The following SAPCD2 variants were observed in gnomAD, a reference collection of about 807,000 sequenced individuals.
SAPCD2 encodes suppressor APC domain-containing protein 2.
A neutral mutation model predicts 37.8 loss-of-function variants in SAPCD2; 34 were observed. That is an observed-to-expected ratio of 0.90 (90% CI 0.68 to 1.20). The LOEUF is 1.20. Among genes scored for constraint, SAPCD2 ranks in the 50% most tolerant of loss-of-function variants. The pLI is 0.00. For missense variants in SAPCD2, 572 were observed against 584.7 expected, an observed-to-expected ratio of 0.98 and a Z score of 0.22; for synonymous variants, 275 against 270.3, an observed-to-expected ratio of 1.02 and a Z score of -0.17.
rs959136692 is a variant in SAPCD2, at chr9:137,065,152, C to T, written c.865G>A (p.Gly289Arg). ...FGAAGSPRPL[G>R]RLLPKVQEVA... ...TCTTGTACCTTGGGCAGTAGCCGCC[C>T]CAGTGGGCGGGGGCTCCCTGCAGCC... Residue 289 changes from glycine to arginine, a missense_variant, in exon 4 of 6, where the codon GGG (glycine) becomes AGG (arginine). Physicochemically the swap from Gly to Arg is moderately radical, Grantham distance 125. Transcript: ENST00000409687. 1 of 1,512,618 alleles carries T rather than the reference C, an allele frequency of 6.6e-7. No individual in the cohort carries two copies. The highest frequency in any genetic ancestry group is 1.3e-5 in the South Asian group (1 of 78,576). The allele number at this position is 1,512,618 out of a possible 1,614,324, so 93.7% of individuals were successfully genotyped here. A position where few individuals can be genotyped will look rare whatever the true frequency, so the allele number is the denominator to read the frequency against.
chr9:137,069,991 C>G lies in SAPCD2; in HGVS notation c.470G>C (p.Ser157Thr). 1 of 1,226,800 alleles carries G rather than the reference C, an allele frequency of 8.2e-7. No homozygotes were observed. Among genetic ancestry groups the G allele is most frequent in the Admixed American group, 4.3e-5 (1 of 23,168 alleles). 76.0% of individuals were successfully genotyped at this position (1,226,800 alleles called of 1,614,324 possible). A position where few individuals can be genotyped will look rare whatever the true frequency, so the allele number is the denominator to read the frequency against. The change falls in exon 1 of 6, where the codon AGC becomes ACC. Residue 157 changes from serine (S) to threonine (T), a missense_variant. By Grantham distance (58) the Ser-to-Thr change is moderately conservative. Transcript: ENST00000409687. ...PLAGPSAAARSPEQLCAPAEA... is the reference protein window; with the variant it reads ...PLAGPSAAARTPEQLCAPAEA... ...AGCCGGGGCGCACAGCTGCTCCGGG[C>G]TGCGGGCGGCGGCGCTGGGACCGGC...
In SAPCD2 at chr9:137,064,530, G is replaced by A. The variant is rs561089137; in HGVS notation, c.*129C>T. The A allele has an allele frequency of 1.8e-6, 2 of 1,083,874 alleles. No homozygotes were observed. The highest frequency in any genetic ancestry group is 3.1e-5 in the South Asian group (2 of 65,458). 67.1% of individuals were successfully genotyped at this position (1,083,874 alleles called of 1,614,324 possible). A position where few individuals can be genotyped will look rare whatever the true frequency, so the allele number is the denominator to read the frequency against. The stretch of plus-strand genomic sequence containing the variant: ...CCCATCTGGCAAGGGCGGCAGGAAG[G>A]CGCCCACTCCGGGACTGTGCCTGGG... On this transcript the variant is annotated 3_prime_UTR_variant, in exon 6 of 6. Coordinates refer to ENST00000409687, the MANE Select transcript of SAPCD2 (RefSeq NM_178448.4).
At position 137,070,200 on chromosome 9, in the gene SAPCD2, G is replaced by A; in HGVS notation, c.261C>T (p.Phe87=). Residue 87 remains phenylalanine (F), a synonymous_variant, in exon 1 of 6, where the codon TTC becomes TTT. Transcript: ENST00000409687. ...PASGYLTFER[F]VAGLRTSLLS... ...GCAGGGAGGTGCGCAGGCCGGCCAC[G>A]AAGCGCTCGAAGGTCAGGTAGCCGC... is the stretch of plus-strand genomic sequence containing the variant. The A allele has an allele frequency of 7.3e-7, 1 of 1,371,026 alleles. No individual in the cohort carries two copies. Among genetic ancestry groups the A allele is most frequent in the Non-Finnish European group, 9.5e-7 (1 of 1,055,136 alleles). The allele number at this position is 1,371,026 out of a possible 1,614,324, so 84.9% of individuals were successfully genotyped here.
Position 137,070,436 on chromosome 9 carries a change from G to C in SAPCD2, c.25C>G (p.Arg9Gly). ...GGTGCGGGGGGAGGCACGCGGCCCC[G>C]CTCGGCCATGGCGGCCCCGGCCATG... The part of the protein sequence containing the change: MAGAAMAE[R>G]GRVPPPAPAP... Residue 9 changes from arginine to glycine, a missense_variant, in exon 1 of 6, where the codon CGG (arginine) becomes GGG (glycine). Physicochemically the swap from Arg to Gly is moderately radical, Grantham distance 125. Transcript: ENST00000409687. The C allele has an allele frequency of 4.8e-6, 6 of 1,261,596 alleles. No homozygotes were observed. In the South Asian group the frequency reaches 1.7e-4, roughly 36 times the overall value. The allele number at this position is 1,261,596 out of a possible 1,614,324, so 78.2% of individuals were successfully genotyped here. A position where few individuals can be genotyped will look rare whatever the true frequency, so the allele number is the denominator to read the frequency against.
At position 137,064,984 on chromosome 9, in the gene SAPCD2, G is replaced by T. The variant is rs1322964686; in HGVS notation, c.940-5C>A. 3 of 1,502,814 alleles carry T rather than the reference G, an allele frequency of 2.0e-6. No homozygotes were observed. The highest frequency in any genetic ancestry group is 4.0e-5 in the Admixed American group (2 of 50,604). 93.1% of individuals were successfully genotyped at this position (1,502,814 alleles called of 1,614,324 possible). On this transcript the variant is annotated splice_polypyrimidine_tract_variant and splice_region_variant and intron_variant, in intron 4 of 5. Coordinates refer to ENST00000409687, the MANE Select transcript of SAPCD2 (RefSeq NM_178448.4). ...GGAGGAGGACGGGGGCAGGGCCTGC[G>T]GGAGGGCAGGATTAGGCAGGCCTGG... is the stretch of plus-strand genomic sequence containing the variant.
Position 137,070,269 on chromosome 9 carries a change from C to A in SAPCD2, c.192G>T (p.Leu64=). ...SRWQGTDARE[L]PRGVLEGLRQ... ...GCAAGCCCTCCAGCACCCCGCGGGG[C>A]AGCTCCCGCGCGTCGGTGCCCTGCC... Residue 64 remains leucine, a synonymous_variant, in exon 1 of 6, where the codon CTG becomes CTT. Transcript: ENST00000409687. 6.9e-7 allele frequency: 1 copy of A among 1,454,060 alleles called. No individual in the cohort carries two copies. The highest frequency in any genetic ancestry group is 1.3e-5 in the South Asian group (1 of 76,276). 90.1% of individuals were successfully genotyped at this position (1,454,060 alleles called of 1,614,324 possible).
At position 137,070,345 on chromosome 9, in the gene SAPCD2, A is replaced by G; in HGVS notation, c.116T>C (p.Leu39Pro). 6.8e-7 allele frequency: 1 copy of G among 1,471,576 alleles called. No individual in the cohort carries two copies. Among genetic ancestry groups the G allele is most frequent in the Non-Finnish European group, 9.0e-7 (1 of 1,113,526 alleles). The allele number at this position is 1,471,576 out of a possible 1,614,324, so 91.2% of individuals were successfully genotyped here. Residue 39 changes from leucine (L) to proline (P), a missense_variant, in exon 1 of 6, where the codon CTG becomes CCG. By Grantham distance (98) the Leu-to-Pro change is moderately conservative. Coordinates refer to ENST00000409687, the MANE Select transcript of SAPCD2 (RefSeq NM_178448.4). ...LQSLRTLFDI[L>P]DDRRRGCVHL... ...CACGCAGCCGCGCCGCCGGTCGTCC[A>G]GGATGTCGAACAGGGTGCGCAGGCT...
Position 137,064,246 on chromosome 9 carries a change from G to A in SAPCD2, c.*413C>T, listed in dbSNP as rs1182178269. 8.5e-6 allele frequency: 2 copies of A among 234,680 alleles called. No individual in the cohort carries two copies. Among genetic ancestry groups the A allele is most frequent in the East Asian group, 1.4e-4 (1 of 7,044 alleles). The allele number at this position is 234,680 out of a possible 1,614,324, so 14.5% of individuals were successfully genotyped here. A position where few individuals can be genotyped will look rare whatever the true frequency, so the allele number is the denominator to read the frequency against. Reference sequence around the variant, plus strand: ...CTGCCCTTGGACCCGCGTCGGAGCCGCCCCGCGCCCTCTGCTGCCCGTTGT... The same window carrying A: ...CTGCCCTTGGACCCGCGTCGGAGCCACCCCGCGCCCTCTGCTGCCCGTTGT... On this transcript the variant is annotated 3_prime_UTR_variant, in exon 6 of 6. Coordinates refer to ENST00000409687, the MANE Select transcript of SAPCD2 (RefSeq NM_178448.4).
In SAPCD2 at chr9:137,063,137, A is replaced by AG. The variant is rs1207470655; in HGVS notation, c.*1521dup. On this transcript the variant is annotated 3_prime_UTR_variant, in exon 6 of 6. Transcript: ENST00000409687. ...ACCTGGTGCTGGGGCTGTGGGGCAC[A>AG]GGCCCTCAGGACCTGCACCCTTTCC... The AG allele has an allele frequency of 2.0e-5, 3 of 152,268 alleles. No homozygotes were observed. Among genetic ancestry groups the AG allele is most frequent in the Non-Finnish European group, 2.9e-5 (2 of 68,082 alleles). The allele number at this position is 152,268 out of a possible 1,614,324, so 9.4% of individuals were successfully genotyped here. A position where few individuals can be genotyped will look rare whatever the true frequency, so the allele number is the denominator to read the frequency against.
chr9:137,066,375 C>A lies in SAPCD2; in HGVS notation c.572-1G>T. The stretch of plus-strand genomic sequence containing the variant: ...TCCAGGGCCCTGCACGCCACTGCAC[C>A]TGTTATGGAGAGGCATGGGCCTGGC... On this transcript the variant is annotated splice_acceptor_variant, in intron 1 of 5. Transcript: ENST00000409687. LOFTEE classifies it high-confidence loss of function. 1 of 1,595,234 alleles carries A rather than the reference C, an allele frequency of 6.3e-7. No homozygotes were observed. Among genetic ancestry groups the A allele is most frequent in the South Asian group, 1.1e-5 (1 of 88,422 alleles).
In SAPCD2 at chr9:137,065,507, G is replaced by C. The variant is rs1445678300; in HGVS notation, c.831+15C>G. The C allele has an allele frequency of 1.3e-6, 2 of 1,587,890 alleles. No homozygotes were observed. Among genetic ancestry groups the C allele is most frequent in the African/African-American group, 2.7e-5 (2 of 74,534 alleles). On this transcript the variant is annotated intron_variant, in intron 3 of 5. Transcript: ENST00000409687. Reference sequence around the variant, plus strand: ...CCCATGTGTGGGGATCTGGGGACAGGGCTGTGGCACTCACGGCGCTGGCTC... The same window carrying C: ...CCCATGTGTGGGGATCTGGGGACAGCGCTGTGGCACTCACGGCGCTGGCTC...
intron 1 of SAPCD2, among the ~76,000 whole-genome samples, chr9:137,069,456 C>T (rs568737023): frequency 9.2e-5 from 14 of 152,334 alleles, no homozygotes; most frequent in Non-Finnish European, 1.9e-4. Context: ...AGCTGTCACA[C>T]TGAGAAGGGG....
chr9:137,069,869 C>A, intron 1 of SAPCD2, 21 bp downstream of exon 1: 2 of 1,251,088 alleles, frequency 1.6e-6, no homozygotes, highest in South Asian at 2.8e-5. Flanking sequence ...CGAGGGTGCC[C>A]GGGGGCCGTC....
Position 137,070,230 on chromosome 9 carries a change from CG to C in SAPCD2, c.230del (p.Pro77ArgfsTer6), listed in dbSNP as rs1164804396. On this transcript the variant is annotated frameshift_variant, in exon 1 of 6. Transcript: ENST00000409687. LOFTEE classifies it high-confidence loss of function. Reference protein sequence around the residue: ...GVLEGLRQVAPASGYLTFERF... With the variant: ...GVLEGLRQVAXASGYLTFERF... Reference sequence around the variant, plus strand: ...GCTCGAAGGTCAGGTAGCCGCTGGCCGGGGCCACCTGGCGCAAGCCCTCCAG... The same window carrying C: ...GCTCGAAGGTCAGGTAGCCGCTGGCCGGGCCACCTGGCGCAAGCCCTCCAG... 7 of 1,412,886 alleles carry C rather than the reference CG, an allele frequency of 5.0e-6. No individual in the cohort carries two copies. The highest frequency in any genetic ancestry group is 2.5e-5 in the Admixed American group (1 of 39,598). 87.5% of individuals were successfully genotyped at this position (1,412,886 alleles called of 1,614,324 possible). A position where few individuals can be genotyped will look rare whatever the true frequency, so the allele number is the denominator to read the frequency against.
chr9:137,065,719 C>T (rs370446291), intron 2 of SAPCD2, 51 bp from the exon 3 acceptor site: 114 of 1,554,666 alleles, frequency 7.3e-5, no homozygotes, highest in African/African-American at 2.8e-4. Flanking sequence ...AGCACGCACA[C>T]GTCCACACAT....
At position 137,065,163 on chromosome 9, in the gene SAPCD2, G is replaced by A; in HGVS notation, c.854C>T (p.Pro285Leu). The A allele has an allele frequency of 2.0e-6, 3 of 1,494,292 alleles. No homozygotes were observed. Among genetic ancestry groups the A allele is most frequent in the Non-Finnish European group, 1.8e-6 (2 of 1,123,274 alleles). 92.6% of individuals were successfully genotyped at this position (1,494,292 alleles called of 1,614,324 possible). A position where few individuals can be genotyped will look rare whatever the true frequency, so the allele number is the denominator to read the frequency against. ...GGGCAGTAGCCGCCCCAGTGGGCGG[G>A]GGCTCCCTGCAGCCCCAAAGTCCTG... ...ASADFGAAGS[P>L]RPLGRLLPKV... Residue 285 changes from proline to leucine, a missense_variant, in exon 4 of 6, where the codon CCC (proline) becomes CTC (leucine). By Grantham distance (98) the Pro-to-Leu change is moderately conservative. Transcript: ENST00000409687.
In SAPCD2 at chr9:137,065,636, C is replaced by A; in HGVS notation, c.717G>T (p.Lys239Asn). 6.2e-7 allele frequency: 1 copy of A among 1,608,642 alleles called. No homozygotes were observed. Among genetic ancestry groups the A allele is most frequent in the Non-Finnish European group, 8.5e-7 (1 of 1,176,262 alleles). ...LKQMKELEQE[K>N]EVLLQGLEMM... ...TCTCCAAACCCTGCAGCAGCACCTCCTTCTCCTGCTCCAGCTCCTTCATCT... is the reference window on the plus strand; with the variant it reads ...TCTCCAAACCCTGCAGCAGCACCTCATTCTCCTGCTCCAGCTCCTTCATCT... The change falls in exon 3 of 6, where the codon AAG becomes AAT. Residue 239 changes from lysine (K) to asparagine (N), a missense_variant. Lys to Asn is a moderately conservative substitution (Grantham distance 94). Coordinates refer to ENST00000409687, the MANE Select transcript of SAPCD2 (RefSeq NM_178448.4).
In SAPCD2 at chr9:137,070,310, C is replaced by G; in HGVS notation, c.151G>C (p.Glu51Gln). Residue 51 changes from glutamate (E) to glutamine (Q), a missense_variant, in exon 1 of 6, where the codon GAG becomes CAG. Transcript: ENST00000409687. ...GTGCCCTGCCAGCGGGACTCGATCT[C>G]GCGCAGGTGCACGCAGCCGCGCCGC... ...DRRRGCVHLR[E>Q]IESRWQGTDA... is the part of the protein sequence containing the mutation. 1 of 1,482,476 alleles carries G rather than the reference C, an allele frequency of 6.7e-7. No homozygotes were observed. The highest frequency in any genetic ancestry group is 8.9e-7 in the Non-Finnish European group (1 of 1,120,244). The allele number at this position is 1,482,476 out of a possible 1,614,324, so 91.8% of individuals were successfully genotyped here. A position where few individuals can be genotyped will look rare whatever the true frequency, so the allele number is the denominator to read the frequency against.
intron 1 of SAPCD2, among the ~76,000 whole-genome samples, chr9:137,067,809 C>T (rs1390616010): frequency 1.4e-5 from 2 of 138,538 alleles, no homozygotes; most frequent in Admixed American, 7.4e-5. Context: ...AAAAGTCCCG[C>T]GTGTGTGATA....
Sources: gnomAD v4.1 joint callset for allele counts (sites outside exome capture counted in the v4.1 genomes callset) on GRCh38, gnomAD v4.1.1 for gene constraint, MANE v1.5 for transcripts, NCBI Gene and HGNC (gene_info 2026-07-23, HGNC 2026-07-21) for gene names.